Variants in KIAA1217 observed in about 807,000 individuals in gnomAD.
KIAA1217 encodes the protein sickle tail protein homolog.
In KIAA1217, 88 loss-of-function variants were observed where a neutral mutation model predicts 163.9. The observed-to-expected ratio is 0.54, with a 90% CI of 0.45 to 0.64. The LOEUF (loss-of-function observed/expected upper bound fraction) is 0.64, where lower values mean the gene tolerates loss of function less well. Ranked by LOEUF, KIAA1217 falls within the 30% of genes least tolerant of loss-of-function variation. KIAA1217 has a pLI of 0.00. For missense variants in KIAA1217, 2,372 were observed against 2,475.0 expected, an observed-to-expected ratio of 0.96 and a Z score of 0.88; for synonymous variants, 903 against 923.1, an observed-to-expected ratio of 0.98 and a Z score of 0.39.
intron 2 of KIAA1217, among the ~76,000 whole-genome samples, chr10:24,224,742 C>T (rs968837928): frequency 1.3e-5 from 2 of 151,536 alleles, no homozygotes; most frequent in African/African-American, 2.4e-5. Context: ...CAGCTTTTAG[C>T]GTGATAATAT....
chr10:24,259,168 T>C (rs189768411), intron 2 of KIAA1217, among the ~76,000 whole-genome samples: 1 of 152,064 alleles, frequency 6.6e-6, no homozygotes, highest in East Asian at 1.9e-4. Flanking sequence ...GGGGTCTGCC[T>C]TTGTGTCTGT....
chr10:24,466,139 A>C (rs1393585497), intron 5 of KIAA1217, among the ~76,000 whole-genome samples: 1 of 152,122 alleles, frequency 6.6e-6, no homozygotes, highest in East Asian at 1.9e-4. Flanking sequence ...CCCAGACTTC[A>C]AAAGTCTGGC....
intron 17 of KIAA1217, among the ~76,000 whole-genome samples, chr10:24,542,056 G>C (rs2075178160): frequency 6.6e-6 from 1 of 152,170 alleles, no homozygotes; most frequent in Non-Finnish European, 1.5e-5. Flanking sequence ...AGTACAAACT[G>C]CATTTCAATC....
At chr10:23,826,547 T>G (rs773695510) in intron 1 of KIAA1217, among the ~76,000 whole-genome samples, 3 of 152,122 alleles carry the variant, frequency 2.0e-5, no homozygotes, top group Non-Finnish European at 2.9e-5. Context: ...CTCCCTGCAT[T>G]TCCTTTGGTG....
chr10:24,435,430 A>G (rs1408748084), intron 4 of KIAA1217, among the ~76,000 whole-genome samples: 1 of 152,264 alleles, frequency 6.6e-6, no homozygotes, highest in Non-Finnish European at 1.5e-5. Flanking sequence ...TGGAGCTGCC[A>G]GTTACAACAA....
intron 1 of KIAA1217, among the ~76,000 whole-genome samples, chr10:23,853,611 C>T (rs889245610): frequency 3.3e-5 from 5 of 152,134 alleles, no homozygotes; most frequent in African/African-American, 1.2e-4. Context: ...CCTTGTACCT[C>T]TGGTAGAATT....
intron 2 of KIAA1217, among the ~76,000 whole-genome samples, chr10:24,273,327 C>A (rs2076945479): frequency 6.6e-6 from 1 of 152,144 alleles, no homozygotes; most frequent in Admixed American, 6.5e-5. Context: ...TCCTTCATTC[C>A]CTTTTCTCTA....
At chr10:23,867,510 C>T (rs1221210762) in intron 1 of KIAA1217, among the ~76,000 whole-genome samples, 3 of 152,166 alleles carry the variant, frequency 2.0e-5, no homozygotes, top group Non-Finnish European at 2.9e-5. Context: ...TCTCCAGCAC[C>T]TGTTGTTTCC....
At chr10:23,714,723 G>A (rs185332843) in intron 1 of KIAA1217, among the ~76,000 whole-genome samples, 11 of 152,158 alleles carry the variant, frequency 7.2e-5, no homozygotes, top group East Asian at 1.9e-4. Flanking sequence ...CCATATTTGC[G>A]AAGGGAACCC....
intron 5 of KIAA1217, among the ~76,000 whole-genome samples, chr10:24,444,167 C>G (rs943058116): frequency 6.6e-6 from 1 of 152,070 alleles, no homozygotes; most frequent in Non-Finnish European, 1.5e-5. Flanking sequence ...CACACCACCA[C>G]TCTTGGCACA....
chr10:23,969,485 C>T (rs1414600633), intron 1 of KIAA1217, among the ~76,000 whole-genome samples: 1 of 152,154 alleles, frequency 6.6e-6, no homozygotes, highest in African/African-American at 2.4e-5. Flanking sequence ...TAGAGTCATC[C>T]TAGTGTATGT....
intron 1 of KIAA1217, among the ~76,000 whole-genome samples, chr10:23,868,798 C>A (rs1840315657): frequency 6.6e-6 from 1 of 152,092 alleles, no homozygotes; most frequent in Non-Finnish European, 1.5e-5. Flanking sequence ...GTAGCTAATA[C>A]AATGTTATCA....
intron 1 of KIAA1217, among the ~76,000 whole-genome samples, chr10:23,887,348 T>C (rs1267887468): frequency 1.3e-5 from 2 of 151,850 alleles, no homozygotes; most frequent in African/African-American, 4.8e-5. Context: ...AATCTGTAAA[T>C]CACAGCCTTT....
intron 1 of KIAA1217, among the ~76,000 whole-genome samples, chr10:23,860,155 C>T (rs1839886168): frequency 6.6e-6 from 1 of 152,110 alleles, no homozygotes; most frequent in Non-Finnish European, 1.5e-5. Context: ...GCCTCATGAG[C>T]AGCTCTGGGC....
rs557014336 is a variant in KIAA1217 at position 23,953,128 on chromosome 10, A to G, written c.-320-54097A>G. On this transcript the variant is annotated intron_variant, in intron 1 of 18. Coordinates refer to the KIAA1217 transcript ENST00000376462. ...CTTTAGAACTGAGGACTTTGTAAAT[A>G]AGAAGTAAATTATCCAGAAGGTATA... Among the ~76,000 whole-genome samples, 15 of 152,376 alleles carry G rather than the reference A, an allele frequency of 9.8e-5. No homozygotes were observed. In the East Asian group the frequency reaches 2.3e-3, roughly 23 times the overall value.
chr10:23,819,726 G>A (rs1425824959), intron 1 of KIAA1217, among the ~76,000 whole-genome samples: 1 of 152,178 alleles, frequency 6.6e-6, no homozygotes, highest in Non-Finnish European at 1.5e-5. Flanking sequence ...TTGTCTTGGT[G>A]ATTTGAAACT....
At position 23,961,993 on chromosome 10, in the gene KIAA1217, C is replaced by T. The variant is rs117264497; in HGVS notation, c.-320-45232C>T. On this transcript the variant is annotated intron_variant, in intron 1 of 18. Coordinates refer to the KIAA1217 transcript ENST00000376462. Reference sequence around the variant, plus strand: ...TCACCCTAATGATCTCATTTTATCTCGATTACCTCTATAAAGACCCTTTCT... The same window carrying T: ...TCACCCTAATGATCTCATTTTATCTTGATTACCTCTATAAAGACCCTTTCT... Among the ~76,000 whole-genome samples, 764 of 152,266 alleles carry T rather than the reference C, an allele frequency of 5.0e-3. 16 individuals are homozygous for T. The highest frequency in any genetic ancestry group is 0.035 in the East Asian group (179 of 5,172).
chr10:24,138,154 C>G (rs1049872908), intron 2 of KIAA1217, among the ~76,000 whole-genome samples: 7 of 152,018 alleles, frequency 4.6e-5, no homozygotes, highest in Admixed American at 3.9e-4. Context: ...GAGGTTTTTG[C>G]TTTTTGGTTT....
At chr10:24,064,830 G>A (rs944181083) in intron 2 of KIAA1217, among the ~76,000 whole-genome samples, 4 of 152,148 alleles carry the variant, frequency 2.6e-5, no homozygotes, top group Non-Finnish European at 5.9e-5. Context: ...CCTGTTATTG[G>A]TCTATTCAGA....
Sources: gnomAD v4.1 joint callset for allele counts (sites outside exome capture counted in the v4.1 genomes callset) on GRCh38, gnomAD v4.1.1 for gene constraint, MANE v1.5 for transcripts, NCBI Gene and HGNC (gene_info 2026-07-23, HGNC 2026-07-21) for gene names.